NUDT3: variants seen among roughly 807,000 people sequenced by gnomAD.
NUDT3 encodes the protein diphosphoinositol polyphosphate phosphohydrolase 1.
A neutral mutation model predicts 23.6 loss-of-function variants in NUDT3; 9 were observed. That is an observed-to-expected ratio of 0.38 (90% CI 0.23 to 0.66). NUDT3 has a LOEUF of 0.66. NUDT3 is among the 30% of genes least tolerant of loss of function. The pLI is 0.52. For synonymous variants in NUDT3, 86 were observed against 82.6 expected, an observed-to-expected ratio of 1.04 and a Z score of -0.22; for missense variants, 172 against 218.5, an observed-to-expected ratio of 0.79 and a Z score of 1.34.
chr6:34,328,142 C>T (rs1442816722), intron 2 of NUDT3, among the ~76,000 whole-genome samples: 1 of 152,050 alleles, frequency 6.6e-6, no homozygotes, highest in Non-Finnish European at 1.5e-5. Context: ...AGTCTCTTGC[C>T]TCGGCACCTG....
At chr6:34,342,668 T>A (rs1377217787) in intron 1 of NUDT3, among the ~76,000 whole-genome samples, 2 of 152,194 alleles carry the variant, frequency 1.3e-5, no homozygotes, top group Non-Finnish European at 2.9e-5. Flanking sequence ...CTTACCCCTC[T>A]CTGTAGGAAA....
chr6:34,331,791 A>G (rs1764132951), intron 2 of NUDT3, among the ~76,000 whole-genome samples: 1 of 152,252 alleles, frequency 6.6e-6, no homozygotes, highest in Non-Finnish European at 1.5e-5. Flanking sequence ...TAAACAATAT[A>G]GTATAACTAC....
intron 2 of NUDT3, among the ~76,000 whole-genome samples, chr6:34,305,468 G>T (rs1262637861): frequency 6.6e-6 from 1 of 152,140 alleles, no homozygotes; most frequent in Non-Finnish European, 1.5e-5. Flanking sequence ...AGTCTTGCCA[G>T]AAGTTTATCT....
At chr6:34,309,314 A>C (rs1467146581) in intron 2 of NUDT3, among the ~76,000 whole-genome samples, 1 of 152,218 alleles carries the variant, frequency 6.6e-6, no homozygotes, top group Non-Finnish European at 1.5e-5. Flanking sequence ...TAACATATGA[A>C]TTAAAGCAGA....
chr6:34,349,334 C>CCTCTGTACAGTG (rs1554154313), intron 1 of NUDT3, among the ~76,000 whole-genome samples: 6 of 140,042 alleles, frequency 4.3e-5, no homozygotes, highest in African/African-American at 1.1e-4. Context: ...GTCTATAAGA[C>CCTCTGTACAGTG]CAAGTGACTG....
At chr6:34,354,735 GTA>G (rs142735114) in intron 1 of NUDT3, among the ~76,000 whole-genome samples, 20 of 120,678 alleles carry the variant, frequency 1.7e-4, no homozygotes, top group South Asian at 2.7e-4. Context: ...GGGGGAAAAA[GTA>G]TATATATATA....
chr6:34,288,736 T>C lies in NUDT3; in HGVS notation c.*17A>G, dbSNP rs1318253122. Reference sequence around the variant, plus strand: ...GTCTAGTTTCCAATTTCCATTTCTCTTACAGGAAGTCTTCAGTCATCTGAT... The same window carrying C: ...GTCTAGTTTCCAATTTCCATTTCTCCTACAGGAAGTCTTCAGTCATCTGAT... On this transcript the variant is annotated 3_prime_UTR_variant, in exon 5 of 5. Coordinates refer to ENST00000607016, the MANE Select transcript of NUDT3 (RefSeq NM_006703.4). 6.2e-7 allele frequency: 1 copy of C among 1,600,384 alleles called. No individual in the cohort carries two copies. Among genetic ancestry groups the C allele is most frequent in the East Asian group, 2.2e-5 (1 of 44,618 alleles).
chr6:34,392,417 G>A lies in NUDT3; in HGVS notation c.-55C>T, dbSNP rs1476873739. 11 of 1,420,128 alleles carry A rather than the reference G, an allele frequency of 7.7e-6. No individual in the cohort carries two copies. Among genetic ancestry groups the A allele is most frequent in the Non-Finnish European group, 8.7e-6 (9 of 1,035,560 alleles). The allele number at this position is 1,420,128 out of a possible 1,614,324, so 88.0% of individuals were successfully genotyped here. The stretch of plus-strand genomic sequence containing the variant: ...GGTCGCAGGAGTCGAGGGGTGGGGA[G>A]CCCGCTCTGGACGGCCGCGTGCGCG... On this transcript the variant is annotated 5_prime_UTR_variant, in exon 1 of 5. Transcript: ENST00000607016.
rs1041183390 is a variant in NUDT3, at chr6:34,284,170, C to CT, written c.*4582dup. On this transcript the variant is annotated 3_prime_UTR_variant, in exon 5 of 5. Coordinates refer to ENST00000607016, the MANE Select transcript of NUDT3 (RefSeq NM_006703.4). ...TGGGCAGTCTGACCTCTTCCACAGT[C>CT]TTTAAGAAACAGAAGAGCCATTTGC... 6.6e-6 allele frequency: 1 copy of CT among 152,204 alleles called. No individual in the cohort carries two copies. Among genetic ancestry groups the CT allele is most frequent in the Non-Finnish European group, 1.5e-5 (1 of 68,044 alleles). 9.4% of individuals were successfully genotyped at this position (152,204 alleles called of 1,614,324 possible). A position where few individuals can be genotyped will look rare whatever the true frequency, so the allele number is the denominator to read the frequency against.
At chr6:34,303,001 CTTCTT>C (rs767808379) in intron 2 of NUDT3, among the ~76,000 whole-genome samples, 3 of 152,134 alleles carry the variant, frequency 2.0e-5, no homozygotes, top group African/African-American at 7.2e-5. Flanking sequence ...CTTCTCTGCT[CTTCTT>C]TAACAAAAAC....
intron 1 of NUDT3, among the ~76,000 whole-genome samples, chr6:34,370,693 T>G (rs1764812498): frequency 6.6e-6 from 1 of 152,186 alleles, no homozygotes; most frequent in Non-Finnish European, 1.5e-5. Flanking sequence ...ACCAGTGAAG[T>G]CCAGCACCTC....
At chr6:34,356,839 G>A (rs1337887719) in intron 1 of NUDT3, among the ~76,000 whole-genome samples, 4 of 152,000 alleles carry the variant, frequency 2.6e-5, no homozygotes, top group South Asian at 2.1e-4. Context: ...GTGCAGTGGC[G>A]CAATCTTGGC....
At chr6:34,364,816 G>A (rs563466229) in intron 1 of NUDT3, among the ~76,000 whole-genome samples, 6 of 148,944 alleles carry the variant, frequency 4.0e-5, no homozygotes, top group South Asian at 2.2e-4. Flanking sequence ...GGCGGATCAC[G>A]AGGTCAGGAG....
At chr6:34,389,606 C>T (rs1440883085) in intron 1 of NUDT3, among the ~76,000 whole-genome samples, 1 of 151,970 alleles carries the variant, frequency 6.6e-6, no homozygotes, top group Non-Finnish European at 1.5e-5. Flanking sequence ...TGCAGTGAGC[C>T]ATGATCACAC....
intron 2 of NUDT3, among the ~76,000 whole-genome samples, chr6:34,303,499 GT>G (rs1198917060): frequency 2.0e-5 from 3 of 151,964 alleles, no homozygotes; most frequent in Non-Finnish European, 4.4e-5. Context: ...AATATTAAAT[GT>G]TAGCATAATA....
chr6:34,352,619 T>G (rs1764495106), intron 1 of NUDT3, among the ~76,000 whole-genome samples: 1 of 152,208 alleles, frequency 6.6e-6, no homozygotes, highest in Non-Finnish European at 1.5e-5. Context: ...TACCAAATGA[T>G]AGCCTCCATA....
intron 1 of NUDT3, among the ~76,000 whole-genome samples, chr6:34,348,270 G>A (rs2113740279): frequency 6.6e-6 from 1 of 151,340 alleles, no homozygotes; most frequent in South Asian, 2.1e-4. Context: ...TGGGCAATGG[G>A]AATGAAACCC....
intron 1 of NUDT3, 32 bp from the exon 2 acceptor site, chr6:34,342,004 T>TA: frequency 6.3e-7 from 1 of 1,592,308 alleles, no homozygotes; most frequent in Non-Finnish European, 8.6e-7. Flanking sequence ...ATGGGGGGGT[T>TA]AAAAATTCAA....
At chr6:34,305,262 G>A (rs372505220) in intron 2 of NUDT3, among the ~76,000 whole-genome samples, 17 of 152,160 alleles carry the variant, frequency 1.1e-4, no homozygotes, top group Admixed American at 3.9e-4. Context: ...GATTATAGGC[G>A]TGTGAGCCAC....
Sources: allele counts gnomAD v4.1 joint callset (sites outside exome capture counted in the v4.1 genomes callset), GRCh38; gene constraint gnomAD v4.1.1; transcripts MANE v1.5; gene names NCBI Gene and HGNC (gene_info 2026-07-23, HGNC 2026-07-21).